LRRTM4: variants seen among roughly 807,000 people sequenced by gnomAD.
LRRTM4 encodes the protein leucine rich repeat transmembrane neuronal 4, also known as leucine-rich repeat transmembrane neuronal protein 4.
A neutral mutation model predicts 47.6 loss-of-function variants in LRRTM4; 25 were observed. The observed-to-expected ratio is 0.53, with a 90% CI of 0.38 to 0.73. The LOEUF is 0.73. Ranked by LOEUF, LRRTM4 falls within the 30% of genes least tolerant of loss-of-function variation. The pLI, the probability that LRRTM4 is intolerant of heterozygous loss-of-function variation, is 0.00. For missense variants in LRRTM4, 638 were observed against 713.4 expected (o/e 0.89, Z 1.20); for synonymous variants, 311 against 269.5 (o/e 1.15, Z -1.51).
At chr2:77,410,867 T>C (rs1046175726) in intron 3 of LRRTM4, among the ~76,000 whole-genome samples, 1 of 152,136 alleles carries the variant, frequency 6.6e-6, no homozygotes, top group Admixed American at 6.5e-5. Context: ...ACATACACAA[T>C]TGCCATAAAA....
chr2:77,383,718 C>A (rs184443316), intron 3 of LRRTM4, among the ~76,000 whole-genome samples: 82 of 152,178 alleles, frequency 5.4e-4, no homozygotes, highest in Middle Eastern at 3.4e-3. Context: ...AGAGATAATT[C>A]ATCGCTTGCT....
At chr2:77,148,410 C>T (rs1313123226) in intron 3 of LRRTM4, among the ~76,000 whole-genome samples, 3 of 152,156 alleles carry the variant, frequency 2.0e-5, no homozygotes, top group Non-Finnish European at 2.9e-5. Flanking sequence ...AATTTAACCT[C>T]TCCAAATTTC....
chr2:77,353,800 A>G (rs919696388), intron 3 of LRRTM4, among the ~76,000 whole-genome samples: 1 of 152,204 alleles, frequency 6.6e-6, no homozygotes, highest in Non-Finnish European at 1.5e-5. Flanking sequence ...TATGAAATGC[A>G]GCTGATACAA....
intron 3 of LRRTM4, among the ~76,000 whole-genome samples, chr2:77,109,517 TAA>T (rs1443854959): frequency 3.9e-5 from 6 of 152,168 alleles, no homozygotes; most frequent in Admixed American, 2.6e-4. Context: ...CTCATTCCTA[TAA>T]AGAACAAAGC....
At chr2:76,961,289 C>A (rs753200456) in intron 3 of LRRTM4, among the ~76,000 whole-genome samples, 4 of 151,222 alleles carry the variant, frequency 2.6e-5, no homozygotes, top group African/African-American at 9.7e-5. Context: ...AATGATTTGT[C>A]CATATCATCG....
chr2:77,287,149 T>C (rs1173161697), intron 3 of LRRTM4, among the ~76,000 whole-genome samples: 2 of 151,980 alleles, frequency 1.3e-5, no homozygotes, highest in African/African-American at 2.4e-5. Flanking sequence ...GCAGCATCTC[T>C]GCATAGGTAA....
intron 3 of LRRTM4, among the ~76,000 whole-genome samples, chr2:76,755,065 C>T (rs1672980646): frequency 6.6e-6 from 1 of 152,046 alleles, no homozygotes; most frequent in Admixed American, 6.6e-5. Flanking sequence ...ACAGTAAAAC[C>T]AGTAGAGCAG....
At chr2:77,297,668 C>G (rs543400995) in intron 3 of LRRTM4, among the ~76,000 whole-genome samples, 12 of 152,194 alleles carry the variant, frequency 7.9e-5, no homozygotes, top group Non-Finnish European at 1.8e-4. Context: ...CCAGGAGCCT[C>G]TCTATGCTGT....
At chr2:77,180,747 T>C (rs1654815886) in intron 3 of LRRTM4, among the ~76,000 whole-genome samples, 2 of 152,160 alleles carry the variant, frequency 1.3e-5, no homozygotes, top group South Asian at 4.1e-4. Context: ...GAATTGATGA[T>C]ATCTACTTGT....
intron 3 of LRRTM4, among the ~76,000 whole-genome samples, chr2:76,819,846 G>A (rs950568055): frequency 4.0e-5 from 6 of 151,880 alleles, no homozygotes; most frequent in African/African-American, 1.2e-4. Flanking sequence ...TATTGTGAAA[G>A]GTGAAACCAC....
chr2:76,893,434 A>G (rs574400073), intron 3 of LRRTM4, among the ~76,000 whole-genome samples: 2 of 151,890 alleles, frequency 1.3e-5, no homozygotes, highest in Admixed American at 6.6e-5. Context: ...GTTAAAAATA[A>G]TAACTAAATA....
intron 3 of LRRTM4, among the ~76,000 whole-genome samples, chr2:77,234,429 AT>A (rs1240517779): frequency 2.6e-5 from 4 of 152,320 alleles, no homozygotes; most frequent in African/African-American, 9.6e-5. Context: ...GATGTGGCCT[AT>A]GGTAGAATAT....
chr2:76,857,769 C>G (rs1015385933), intron 3 of LRRTM4, among the ~76,000 whole-genome samples: 1 of 152,132 alleles, frequency 6.6e-6, no homozygotes, highest in Non-Finnish European at 1.5e-5. Flanking sequence ...CACGTTTTAA[C>G]TGATTCATTT....
chr2:77,111,292 T>TTTC lies in LRRTM4; in HGVS notation c.1552-362377_1552-362376insGAA, dbSNP rs1671242444. Among the ~76,000 whole-genome samples, 6 of 150,030 alleles carry TTTC rather than the reference T, an allele frequency of 4.0e-5. No homozygotes were observed. In the South Asian group the frequency reaches 1.3e-3, roughly 32 times the overall value. On this transcript the variant is annotated intron_variant, in intron 3 of 3. Coordinates refer to ENST00000409884, the MANE Select transcript of LRRTM4 (RefSeq NM_001134745.3). Reference sequence around the variant, plus strand: ...GTCACCACACCTGGCTATTTTTTTTTTTTTTTTTTTGTATTTTATTAGAAA... The same window carrying TTTC: ...GTCACCACACCTGGCTATTTTTTTTTTTCTTTTTTTTTTGTATTTTATTAGAAA...
chr2:77,129,489 C>T (rs2103972043), intron 3 of LRRTM4, among the ~76,000 whole-genome samples: 1 of 152,258 alleles, frequency 6.6e-6, no homozygotes, highest in East Asian at 1.9e-4. Flanking sequence ...ATCACTTTGT[C>T]TTCAGAAAAG....
At chr2:77,495,966 C>G (rs1294970294) in intron 3 of LRRTM4, among the ~76,000 whole-genome samples, 1 of 151,876 alleles carries the variant, frequency 6.6e-6, no homozygotes, top group Non-Finnish European at 1.5e-5. Flanking sequence ...ATAAATCAGT[C>G]TGGAGATAAG....
chr2:76,850,256 A>AT (rs1671953330), intron 3 of LRRTM4, among the ~76,000 whole-genome samples: 1 of 151,742 alleles, frequency 6.6e-6, no homozygotes, highest in Non-Finnish European at 1.5e-5. Flanking sequence ...AATTATTAAC[A>AT]TTTTTTCTGT....
At chr2:76,758,695 A>G (rs1373132751) in intron 3 of LRRTM4, among the ~76,000 whole-genome samples, 1 of 152,192 alleles carries the variant, frequency 6.6e-6, no homozygotes, top group Admixed American at 6.5e-5. Flanking sequence ...CCTGCCATAG[A>G]GTGTATGCTA....
In LRRTM4 at chr2:77,018,459, C is replaced by A. The variant is rs542684451; in HGVS notation, c.1552-269543G>T. Among the ~76,000 whole-genome samples, 22 of 152,026 alleles carry A rather than the reference C, an allele frequency of 1.4e-4. 1 individual carries two copies. The South Asian group carries it at 4.4e-3, about 30-fold the overall frequency. ...CATATCATATCTGTGTCTGGATAAC[C>A]TTTTGCACTAGACTGCTCTGTATGG... On this transcript the variant is annotated intron_variant, in intron 3 of 3. Transcript: ENST00000409884.
Sources: allele counts gnomAD v4.1 joint callset (sites outside exome capture counted in the v4.1 genomes callset), GRCh38; gene constraint gnomAD v4.1.1; transcripts MANE v1.5; gene names NCBI Gene and HGNC (gene_info 2026-07-23, HGNC 2026-07-21).